PHACTR1: variants seen among roughly 807,000 people sequenced by gnomAD.
The protein encoded by PHACTR1 is RPEL repeat containing 1.
A neutral mutation model predicts 69.2 loss-of-function variants in PHACTR1; 16 were observed. The ratio of observed to expected loss-of-function variants is 0.23; its 90% CI spans 0.16 to 0.35. The LOEUF (loss-of-function observed/expected upper bound fraction) is 0.35. Among genes scored for constraint, PHACTR1 ranks in the 10% least tolerant of loss-of-function variants. The probability of loss-of-function intolerance (pLI) is 1.00; values close to 1 mark genes in which losing one functional copy is unlikely to be tolerated. For synonymous variants in PHACTR1, 312 were observed against 284.5 expected, an observed-to-expected ratio of 1.10 and a Z score of -0.97; for missense variants, 510 against 734.7, an observed-to-expected ratio of 0.69 and a Z score of 3.54.
chr6:13,074,910 A>G (rs139093064), intron 5 of PHACTR1, among the ~76,000 whole-genome samples: 7 of 152,302 alleles, frequency 4.6e-5, no homozygotes, highest in Admixed American at 3.3e-4. Context: ...TTATGATCCT[A>G]TTCATTTGAA....
intron 4 of PHACTR1, among the ~76,000 whole-genome samples, chr6:12,873,604 A>C (rs1301125676): frequency 6.6e-6 from 1 of 152,220 alleles, no homozygotes; most frequent in Non-Finnish European, 1.5e-5. Flanking sequence ...AGCCACAAAA[A>C]AGGAGCAATC....
intron 3 of PHACTR1, among the ~76,000 whole-genome samples, chr6:12,724,314 G>A (rs994211070): frequency 2.0e-4 from 31 of 152,198 alleles, no homozygotes; most frequent in South Asian, 1.7e-3. Context: ...GTGACAGAGC[G>A]AGACTCCATC....
chr6:13,207,226 A>T (rs992372348), intron 8 of PHACTR1, among the ~76,000 whole-genome samples: 3 of 152,218 alleles, frequency 2.0e-5, no homozygotes, highest in African/African-American at 7.2e-5. Flanking sequence ...GTACTTTTTA[A>T]TTCTGTGTAT....
intron 14 of PHACTR1, among the ~76,000 whole-genome samples, chr6:13,286,804 G>C (rs1452319948): frequency 6.6e-6 from 1 of 152,220 alleles, no homozygotes; most frequent in Admixed American, 6.5e-5. Flanking sequence ...ATTTAGTCTA[G>C]AGACTCAGAG....
chr6:12,794,033 G>A (rs570705090), intron 4 of PHACTR1, among the ~76,000 whole-genome samples: 179 of 152,346 alleles, frequency 1.2e-3, no homozygotes, highest in African/African-American at 4.0e-3. Flanking sequence ...AGAGCTTTCA[G>A]TTGAAATCCT....
intron 7 of PHACTR1, among the ~76,000 whole-genome samples, chr6:13,202,111 CCGT>C (rs1009284615): frequency 2.3e-4 from 35 of 152,366 alleles, no homozygotes; most frequent in Admixed American, 2.2e-3. Flanking sequence ...GTAAGAACAA[CCGT>C]CTCCACTAAC....
chr6:13,240,742 C>A (rs202061), intron 10 of PHACTR1, among the ~76,000 whole-genome samples: 2 of 152,106 alleles, frequency 1.3e-5, no homozygotes, highest in African/African-American at 4.8e-5. Flanking sequence ...CCACTGTACC[C>A]AGCCAGGATA....
chr6:13,045,181 A>C (rs904571682), intron 4 of PHACTR1, among the ~76,000 whole-genome samples: 3 of 152,190 alleles, frequency 2.0e-5, no homozygotes, highest in African/African-American at 7.2e-5. Context: ...TCTTCTTTCG[A>C]GAATCACTTT....
intron 11 of PHACTR1, chr6:13,273,951 A>C (rs927253883): frequency 1.7e-5 from 2 of 116,544 alleles, no homozygotes; most frequent in East Asian, 6.0e-4. Context: ...ATGCAACCGC[A>C]GTGTGAGTTT....
At chr6:13,164,575 C>T (rs1005444083) in intron 6 of PHACTR1, among the ~76,000 whole-genome samples, 13 of 152,270 alleles carry the variant, frequency 8.5e-5, no homozygotes, top group South Asian at 4.1e-4. Flanking sequence ...TTTGTGTGCA[C>T]GATACTACTA....
chr6:12,855,115 G>T (rs754125391), intron 4 of PHACTR1, among the ~76,000 whole-genome samples: 3 of 152,158 alleles, frequency 2.0e-5, no homozygotes, highest in Non-Finnish European at 4.4e-5. Flanking sequence ...ACTCACAATA[G>T]TAAAGACATG....
intron 4 of PHACTR1, among the ~76,000 whole-genome samples, chr6:12,787,050 C>G (rs1347944203): frequency 1.3e-5 from 2 of 152,176 alleles, no homozygotes; most frequent in South Asian, 2.1e-4. Flanking sequence ...AATGGAAAGT[C>G]AGGACCATTT....
At chr6:13,230,453 G>A in intron 10 of PHACTR1, 1 of 643,998 alleles carries the variant, frequency 1.6e-6, no homozygotes, top group Non-Finnish European at 2.3e-6. Context: ...GGCTGAGGCA[G>A]GAGGATTGCT....
At chr6:12,808,233 C>A (rs558209899) in intron 4 of PHACTR1, among the ~76,000 whole-genome samples, 17 of 152,152 alleles carry the variant, frequency 1.1e-4, no homozygotes, top group Non-Finnish European at 1.5e-4. Context: ...ATTCTTTATC[C>A]GTCTCTTAAA....
At chr6:13,238,170 C>T (rs1299079309) in intron 10 of PHACTR1, among the ~76,000 whole-genome samples, 1 of 152,162 alleles carries the variant, frequency 6.6e-6, no homozygotes, top group Non-Finnish European at 1.5e-5. Context: ...TCCTTAACAC[C>T]CACAGCCTGG....
chr6:13,228,355 A>T (rs893649209), intron 9 of PHACTR1, among the ~76,000 whole-genome samples: 1 of 151,812 alleles, frequency 6.6e-6, no homozygotes, highest in Non-Finnish European at 1.5e-5. Context: ...TTAGGATGCA[A>T]CTTCTCCCCC....
At chr6:13,130,023 A>ATT (rs1820163255) in intron 5 of PHACTR1, among the ~76,000 whole-genome samples, 1 of 152,166 alleles carries the variant, frequency 6.6e-6, no homozygotes. Context: ...ATACAAATAC[A>ATT]TGGAAATTAA....
chr6:12,933,839 G>T (rs757880909), intron 4 of PHACTR1: 3 of 1,612,660 alleles, frequency 1.9e-6, no homozygotes, highest in East Asian at 2.2e-5. Flanking sequence ...TGTTCAAGGA[G>T]CTAAGAGAAG....
At chr6:12,764,242 G>C (rs189559840) in intron 4 of PHACTR1, among the ~76,000 whole-genome samples, 58 of 152,316 alleles carry the variant, frequency 3.8e-4, no homozygotes, top group African/African-American at 1.3e-3. Context: ...TGCATTTGCT[G>C]CACACAAAGT....
Sources: gnomAD v4.1 joint callset for allele counts (sites outside exome capture counted in the v4.1 genomes callset) on GRCh38, gnomAD v4.1.1 for gene constraint, MANE v1.5 for transcripts, NCBI Gene and HGNC (gene_info 2026-07-23, HGNC 2026-07-21) for gene names.